The following DPF3 variants were observed in gnomAD, a reference collection of about 807,000 sequenced individuals.
DPF3 encodes the protein zinc finger protein DPF3.
Under a neutral mutation model 56.8 loss-of-function variants are expected in DPF3, and 18 were observed. The observed-to-expected ratio is 0.32, with a 90% CI of 0.22 to 0.47. The LOEUF (loss-of-function observed/expected upper bound fraction) is 0.47. Ranked by LOEUF, DPF3 falls within the 20% of genes least tolerant of loss-of-function variation. The probability of loss-of-function intolerance (pLI) is 1.00; values close to 1 mark genes in which losing one functional copy is unlikely to be tolerated. For synonymous variants in DPF3, 188 were observed against 180.2 expected, an observed-to-expected ratio of 1.04 and a Z score of -0.35; for missense variants, 403 against 488.8, an observed-to-expected ratio of 0.82 and a Z score of 1.65.
chr14:72,622,480 G>T (rs1884518124), intron 9 of DPF3, among the ~76,000 whole-genome samples: 1 of 152,144 alleles, frequency 6.6e-6, no homozygotes, highest in African/African-American at 2.4e-5. Flanking sequence ...GACAGGACTT[G>T]TCAGAAACAG....
Position 72,838,905 on chromosome 14 carries a change from A to ATATATATATATATATATATATATTTTTT in DPF3, c.32+55151_32+55152insAAAAAATATATATATATATATATATATA. 2.6e-4 allele frequency among the ~76,000 whole-genome samples: 17 copies of ATATATATATATATATATATATATTTTTT among 64,494 alleles called. 3 individuals carry two copies. The highest frequency in any genetic ancestry group is 5.3e-4 in the African/African-American group (8 of 15,060). The allele number at this position is 64,494 out of a possible 152,430, so 42.3% of individuals were successfully genotyped here. ...ATCTATCATATATATTATCATATAT[A>ATATATATATATATATATATATATTTTTT]TTCTTTTTTTTTTTTTTTTTTTTTT... On this transcript the variant is annotated intron_variant, in intron 1 of 10. Coordinates refer to ENST00000556509, the MANE Select transcript of DPF3 (RefSeq NM_001280542.3).
At chr14:72,788,776 A>C (rs532292923) in intron 1 of DPF3, among the ~76,000 whole-genome samples, 1 of 152,312 alleles carries the variant, frequency 6.6e-6, no homozygotes, top group East Asian at 1.9e-4. Flanking sequence ...AAAGGCCAAC[A>C]AAGGGGTTGG....
At chr14:72,669,975 G>A (rs1056912495) in intron 8 of DPF3, 11 of 985,862 alleles carry the variant, frequency 1.1e-5, no homozygotes, top group African/African-American at 7.0e-5. Flanking sequence ...CCTCGCAGCC[G>A]GTCATTCTTG....
At chr14:72,852,331 G>A (rs1885016403) in intron 1 of DPF3, among the ~76,000 whole-genome samples, 1 of 152,200 alleles carries the variant, frequency 6.6e-6, no homozygotes, top group Admixed American at 6.5e-5. Context: ...CTGGACTTGT[G>A]CTCAAAAACC....
intron 10 of DPF3, 58 bp from the exon 11 acceptor site, chr14:72,619,425 C>A: frequency 6.6e-7 from 1 of 1,510,038 alleles, no homozygotes; most frequent in Non-Finnish European, 8.9e-7. Context: ...GAGCCCCACC[C>A]CACTGGCCCT....
At chr14:72,823,387 A>C (rs1310842880) in intron 1 of DPF3, among the ~76,000 whole-genome samples, 1 of 152,248 alleles carries the variant, frequency 6.6e-6, no homozygotes, top group Admixed American at 6.5e-5. Context: ...GGAGACCTTC[A>C]CTGCAGCATG....
intron 1 of DPF3, among the ~76,000 whole-genome samples, chr14:72,848,926 T>C (rs536762413): frequency 6.6e-6 from 1 of 152,322 alleles, no homozygotes; most frequent in African/African-American, 2.4e-5. Context: ...ACTTACTGTG[T>C]GCCAGGTTCT....
chr14:72,844,520 A>C (rs1307026743), intron 1 of DPF3, among the ~76,000 whole-genome samples: 1 of 152,220 alleles, frequency 6.6e-6, no homozygotes, highest in Non-Finnish European at 1.5e-5. Flanking sequence ...CAAGAAGCCC[A>C]GGTGTTCAGG....
At chr14:72,713,072 A>T (rs547744622) in intron 6 of DPF3, among the ~76,000 whole-genome samples, 6 of 152,226 alleles carry the variant, frequency 3.9e-5, no homozygotes, top group Non-Finnish European at 8.8e-5. Context: ...GCTTCTATGT[A>T]TCAGAGTGAA....
At chr14:72,739,755 G>T (rs925701537) in intron 3 of DPF3, among the ~76,000 whole-genome samples, 2 of 152,182 alleles carry the variant, frequency 1.3e-5, no homozygotes, top group Non-Finnish European at 2.9e-5. Flanking sequence ...CAGAGCCACA[G>T]TGGAAGATAC....
chr14:72,689,025 C>A (rs535761347), intron 7 of DPF3, among the ~76,000 whole-genome samples: 3 of 151,768 alleles, frequency 2.0e-5, no homozygotes, highest in Non-Finnish European at 4.4e-5. Context: ...GAAACAAAGG[C>A]GTGAGAGCAT....
At chr14:72,661,587 C>T (rs1886213119) in intron 8 of DPF3, 4 of 985,534 alleles carry the variant, frequency 4.1e-6, no homozygotes, top group Non-Finnish European at 4.8e-6. Context: ...AGACACAGCG[C>T]CGAGATACAT....
At chr14:72,863,125 T>C (rs1176598737) in intron 1 of DPF3, among the ~76,000 whole-genome samples, 2 of 90,402 alleles carry the variant, frequency 2.2e-5, no homozygotes, top group Admixed American at 2.7e-4. Context: ...TATATGTGTG[T>C]GTGTGTGTGT....
At chr14:72,840,757 A>G (rs1884512297) in intron 1 of DPF3, among the ~76,000 whole-genome samples, 1 of 152,206 alleles carries the variant, frequency 6.6e-6, no homozygotes, top group African/African-American at 2.4e-5. Context: ...TTTGGCCACT[A>G]CCAACAAAAA....
chr14:72,789,589 G>A (rs544638471), intron 1 of DPF3, among the ~76,000 whole-genome samples: 14 of 152,308 alleles, frequency 9.2e-5, no homozygotes, highest in African/African-American at 3.1e-4. Flanking sequence ...ACTCAGGAGT[G>A]CAGTGGCATG....
chr14:72,641,716 G>T (rs1261522607), intron 8 of DPF3, among the ~76,000 whole-genome samples: 1 of 152,212 alleles, frequency 6.6e-6, no homozygotes, highest in Admixed American at 6.5e-5. Flanking sequence ...GCAGTGCTTT[G>T]CAAAAATGCC....
At chr14:72,794,429 A>T (rs1227743872) in intron 1 of DPF3, among the ~76,000 whole-genome samples, 1 of 152,194 alleles carries the variant, frequency 6.6e-6, no homozygotes, top group East Asian at 1.9e-4. Context: ...CCATTGCTAC[A>T]GATTGCCCCA....
intron 1 of DPF3, among the ~76,000 whole-genome samples, chr14:72,790,082 T>A (rs961450559): frequency 6.6e-6 from 1 of 151,884 alleles, no homozygotes; most frequent in African/African-American, 2.4e-5. Context: ...TGAGACCTCT[T>A]CCCTACTTAA....
intron 3 of DPF3, among the ~76,000 whole-genome samples, chr14:72,735,768 G>A (rs1397744085): frequency 6.6e-6 from 1 of 152,170 alleles, no homozygotes; most frequent in African/African-American, 2.4e-5. Context: ...CGTAACCTAA[G>A]CCTCCATTTC....
Sources: gnomAD v4.1 joint callset for allele counts (sites outside exome capture counted in the v4.1 genomes callset) on GRCh38, gnomAD v4.1.1 for gene constraint, MANE v1.5 for transcripts, NCBI Gene and HGNC (gene_info 2026-07-23, HGNC 2026-07-21) for gene names.